The following FST variants were observed in gnomAD, a reference collection of about 807,000 sequenced individuals.
The protein encoded by FST is follistatin, also known as activin-binding protein.
A neutral mutation model predicts 38.4 loss-of-function variants in FST; 6 were observed. That is an observed-to-expected ratio of 0.16 (90% CI 0.09 to 0.31). The LOEUF (loss-of-function observed/expected upper bound fraction) is 0.31. FST is among the 10% of genes least tolerant of loss of function. The pLI is 1.00. For synonymous variants in FST, 157 were observed against 169.8 expected, an observed-to-expected ratio of 0.92 and a Z score of 0.59; for missense variants, 301 against 432.3, an observed-to-expected ratio of 0.70 and a Z score of 2.69.
chr5:53,482,776 C>T, intron 1 of FST, 104 bp from the exon 2 acceptor site: 1 of 646,438 alleles, frequency 1.5e-6, no homozygotes, highest in Non-Finnish European at 2.8e-6. Context: ...ACGCTCACCC[C>T]CTCCCCATCC....
At position 53,486,076 on chromosome 5, in the gene FST, A is replaced by C. The variant is rs1747534912; in HGVS notation, c.*43A>C. 2.3e-6 allele frequency: 1 copy of C among 440,134 alleles called. No homozygotes were observed. Among genetic ancestry groups the C allele is most frequent in the Non-Finnish European group, 4.0e-6 (1 of 252,970 alleles). 27.3% of individuals were successfully genotyped at this position (440,134 alleles called of 1,614,324 possible). On this transcript the variant is annotated 3_prime_UTR_variant, in exon 6 of 6. Coordinates refer to ENST00000256759, the MANE Select transcript of FST (RefSeq NM_013409.3). ...AGTGTTGACATAGCCTTTGTGCAAA[A>C]AAAAAAAAAAAAAAAAAGAAAAAGA...
At chr5:53,482,218 C>T (rs528670736) in intron 1 of FST, among the ~76,000 whole-genome samples, 11 of 151,750 alleles carry the variant, frequency 7.2e-5, no homozygotes, top group East Asian at 3.9e-4. Context: ...TGATCTGTTT[C>T]TCTCTCTCTC....
chr5:53,480,884 A>C lies in FST; in HGVS notation c.85+8A>C. On this transcript the variant is annotated splice_region_variant and intron_variant, in intron 1 of 5. Transcript: ENST00000256759. ...AGGACCGCAGTGCCCAGGGTAAGCG[A>C]GTGGGGATGCGCTGGGGAGGCTTGG... 6.7e-7 allele frequency: 1 copy of C among 1,489,198 alleles called. No homozygotes were observed. Among genetic ancestry groups the C allele is most frequent in the Non-Finnish European group, 9.1e-7 (1 of 1,099,910 alleles). The allele number at this position is 1,489,198 out of a possible 1,614,324, so 92.2% of individuals were successfully genotyped here. A position where few individuals can be genotyped will look rare whatever the true frequency, so the allele number is the denominator to read the frequency against.
Position 53,483,764 on chromosome 5 carries a change from C to T in FST, c.496+42C>T, listed in dbSNP as rs749610664. On this transcript the variant is annotated intron_variant, in intron 3 of 5. Coordinates refer to ENST00000256759, the MANE Select transcript of FST (RefSeq NM_013409.3). The surrounding 1 kb of genome is among the most constrained non-coding windows in gnomAD (Gnocchi z 4.1). ...TGAGCAAGACTGGATCTGTCCCCTC[C>T]TCCAGCTTTGTACCTAAAGTAGACC... 8 of 1,452,668 alleles carry T rather than the reference C, an allele frequency of 5.5e-6. No individual in the cohort carries two copies. Among genetic ancestry groups the T allele is most frequent in the African/African-American group, 1.4e-5 (1 of 71,932 alleles). 90.0% of individuals were successfully genotyped at this position (1,452,668 alleles called of 1,614,324 possible).
Position 53,482,876 on chromosome 5 carries a change from A to G in FST, c.86-4A>G. ...CCCACCTCCCCACCCTTGTCTCTTC[A>G]CAGCTGGGAACTGCTGGCTCCGTCA... On this transcript the variant is annotated splice_region_variant and splice_polypyrimidine_tract_variant and intron_variant, in intron 1 of 5. Coordinates refer to ENST00000256759, the MANE Select transcript of FST (RefSeq NM_013409.3). 6.3e-7 allele frequency: 1 copy of G among 1,580,410 alleles called. No individual in the cohort carries two copies. Among genetic ancestry groups the G allele is most frequent in the Non-Finnish European group, 8.6e-7 (1 of 1,160,688 alleles).
rs1255566006 is a variant in FST, at chr5:53,483,437, A to G, written c.278-67A>G. 2.3e-6 allele frequency: 3 copies of G among 1,283,878 alleles called. No individual in the cohort carries two copies. The highest frequency in any genetic ancestry group is 2.9e-5 in the African/African-American group (2 of 68,240). The allele number at this position is 1,283,878 out of a possible 1,614,324, so 79.5% of individuals were successfully genotyped here. On this transcript the variant is annotated intron_variant, in intron 2 of 5. Transcript: ENST00000256759. The surrounding 1 kb of genome is among the most constrained non-coding windows in gnomAD (Gnocchi z 4.1). ...CTGCATGATTGCGCAAGGCACCCGA[A>G]GCCCTCCTGGCTGACCTGCAGACTG... is the stretch of plus-strand genomic sequence containing the variant.
chr5:53,484,756 TGTA>T (rs1561298534), intron 4 of FST, among the ~76,000 whole-genome samples: 4 of 152,134 alleles, frequency 2.6e-5, no homozygotes, highest in African/African-American at 9.7e-5. Context: ...AATGCACTAA[TGTA>T]GTATGTAAGA....
chr5:53,483,714 G>C lies in FST; in HGVS notation c.488G>C (p.Arg163Thr). ...QPELEVQYQG[R>T]CKKTCRDVFC... ...GAACTGGAAGTCCAGTACCAAGGCA[G>C]ATGTAAAAGTAGGTCCTACCCTGTT... The change falls in exon 3 of 6, where the codon AGA (arginine) becomes ACA (threonine). Residue 163 changes from arginine to threonine, a missense_variant. Transcript: ENST00000256759. The surrounding 1 kb of genome is among the most constrained non-coding windows in gnomAD (Gnocchi z 4.1). The C allele has an allele frequency of 6.2e-7, 1 of 1,612,598 alleles. No homozygotes were observed. Among genetic ancestry groups the C allele is most frequent in the South Asian group, 1.1e-5 (1 of 91,052 alleles).
In FST at chr5:53,482,912, G is replaced by A; in HGVS notation, c.118G>A (p.Gly40Ser). The change falls in exon 2 of 6, where the codon GGC (glycine) becomes AGC (serine). Residue 40 changes from glycine (G) to serine (S), a missense_variant. Physicochemically the swap from Gly to Ser is moderately conservative, Grantham distance 56. Transcript: ENST00000256759. ...CTGCTGGCTCCGTCAAGCGAAGAAC[G>A]GCCGCTGCCAGGTCCTGTACAAGAC... ...GNCWLRQAKNGRCQVLYKTEL... is the reference protein window; with the variant it reads ...GNCWLRQAKNSRCQVLYKTEL... The A allele has an allele frequency of 6.2e-7, 1 of 1,610,056 alleles. No homozygotes were observed. Among genetic ancestry groups the A allele is most frequent in the Non-Finnish European group, 8.5e-7 (1 of 1,177,586 alleles).
At position 53,484,277 on chromosome 5, in the gene FST, T is replaced by C. The variant is rs1191611690; in HGVS notation, c.705T>C (p.Tyr235=). 2 of 1,612,066 alleles carry C rather than the reference T, an allele frequency of 1.2e-6. No individual in the cohort carries two copies. The highest frequency in any genetic ancestry group is 1.7e-6 in the Non-Finnish European group (2 of 1,178,110). ...TGGGCAGATCTATTGGATTAGCCTA[T>C]GAGGGAAAGTGTATCAGTAGGTATT... The part of the protein sequence containing the change: ...CLLGRSIGLA[Y]EGKCIKAKSC... The change falls in exon 4 of 6, where the codon TAT becomes TAC. Residue 235 remains tyrosine (Y), a synonymous_variant. Transcript: ENST00000256759.
At chr5:53,481,916 C>T (rs1341286385) in intron 1 of FST, among the ~76,000 whole-genome samples, 1 of 152,210 alleles carries the variant, frequency 6.6e-6, no homozygotes, top group African/African-American at 2.4e-5. Context: ...TCAGCGTTAA[C>T]ATTTTAAGTA....
Position 53,486,161 on chromosome 5 carries a change from A to G in FST, c.*128A>G, listed in dbSNP as rs1210304629. 3.7e-6 allele frequency: 2 copies of G among 547,738 alleles called. No individual in the cohort carries two copies. Among genetic ancestry groups the G allele is most frequent in the African/African-American group, 4.0e-5 (2 of 49,790 alleles). The allele number at this position is 547,738 out of a possible 1,614,324, so 33.9% of individuals were successfully genotyped here. Reference sequence around the variant, plus strand: ...AGTGTATGCTTATTTATTTGGGGGGAAAACTATACATTAAAGGACCTTTGT... The same window carrying G: ...AGTGTATGCTTATTTATTTGGGGGGGAAACTATACATTAAAGGACCTTTGT... On this transcript the variant is annotated 3_prime_UTR_variant, in exon 6 of 6. Transcript: ENST00000256759.
rs1027141480 is a variant in FST at position 53,483,857 on chromosome 5, A to T, written c.496+135A>T. The T allele has an allele frequency of 1.7e-5, 12 of 711,182 alleles. No individual in the cohort carries two copies. Among genetic ancestry groups the T allele is most frequent in the Non-Finnish European group, 2.6e-5 (11 of 421,100 alleles). The allele number at this position is 711,182 out of a possible 1,614,324, so 44.1% of individuals were successfully genotyped here. A position where few individuals can be genotyped will look rare whatever the true frequency, so the allele number is the denominator to read the frequency against. On this transcript the variant is annotated intron_variant, in intron 3 of 5. Transcript: ENST00000256759. The surrounding 1 kb of genome is among the most constrained non-coding windows in gnomAD (Gnocchi z 4.1). ...CCTGATAATAGTAATACTGAAACCA[A>T]ATAAAGGAGTCCTTTTCTAACCTCT...
Position 53,483,766 on chromosome 5 carries a change from C to G in FST, c.496+44C>G, listed in dbSNP as rs1341393938. ...AGCAAGACTGGATCTGTCCCCTCCT[C>G]CAGCTTTGTACCTAAAGTAGACCCT... On this transcript the variant is annotated intron_variant, in intron 3 of 5. Coordinates refer to ENST00000256759, the MANE Select transcript of FST (RefSeq NM_013409.3). The surrounding 1 kb of genome is among the most constrained non-coding windows in gnomAD (Gnocchi z 4.1). The G allele has an allele frequency of 7.0e-7, 1 of 1,428,322 alleles. No individual in the cohort carries two copies. The highest frequency in any genetic ancestry group is 9.9e-7 in the Non-Finnish European group (1 of 1,014,894). 88.5% of individuals were successfully genotyped at this position (1,428,322 alleles called of 1,614,324 possible).
In FST at chr5:53,486,275, G is replaced by A. The variant is rs1054098787; in HGVS notation, c.*242G>A. 1.5e-4 allele frequency: 51 copies of A among 340,090 alleles called. 1 individual carries two copies. In the South Asian group the frequency reaches 2.4e-3, roughly 16 times the overall value. The allele number at this position is 340,090 out of a possible 1,614,324, so 21.1% of individuals were successfully genotyped here. A position where few individuals can be genotyped will look rare whatever the true frequency, so the allele number is the denominator to read the frequency against. On this transcript the variant is annotated 3_prime_UTR_variant, in exon 6 of 6. Coordinates refer to ENST00000256759, the MANE Select transcript of FST (RefSeq NM_013409.3). ...TCTACTGGATGAGGCCCATAGTTGA[G>A]ACTTGTAGACATTTATTTATACTGT...
Position 53,480,800 on chromosome 5 carries a change from C to G in FST, c.9C>G (p.Arg3=). MV[R]ARHQPGGLCL... ...CCGCGCCTGCCCCCAGGATGGTCCGCGCGAGGCACCAGCCGGGTGGGCTTT... is the reference window on the plus strand; with the variant it reads ...CCGCGCCTGCCCCCAGGATGGTCCGGGCGAGGCACCAGCCGGGTGGGCTTT... Residue 3 remains arginine (R), a synonymous_variant, in exon 1 of 6, where the codon CGC becomes CGG. Coordinates refer to ENST00000256759, the MANE Select transcript of FST (RefSeq NM_013409.3). The G allele has an allele frequency of 6.6e-7, 1 of 1,505,918 alleles. No individual in the cohort carries two copies. The highest frequency in any genetic ancestry group is 8.9e-7 in the Non-Finnish European group (1 of 1,122,988). The allele number at this position is 1,505,918 out of a possible 1,614,324, so 93.3% of individuals were successfully genotyped here. A position where few individuals can be genotyped will look rare whatever the true frequency, so the allele number is the denominator to read the frequency against.
Position 53,483,753 on chromosome 5 carries a change from T to C in FST, c.496+31T>C. 6.7e-7 allele frequency: 1 copy of C among 1,503,438 alleles called. No individual in the cohort carries two copies. The allele number at this position is 1,503,438 out of a possible 1,614,324, so 93.1% of individuals were successfully genotyped here. On this transcript the variant is annotated intron_variant, in intron 3 of 5. Coordinates refer to ENST00000256759, the MANE Select transcript of FST (RefSeq NM_013409.3). This position sits in a 1 kb window ranked among gnomAD's most constrained non-coding sequence, Gnocchi z 4.1. ...TCCTACCCTGTTGAGCAAGACTGGA[T>C]CTGTCCCCTCCTCCAGCTTTGTACC...
chr5:53,482,701 A>C (rs1379592217), intron 1 of FST, 179 bp from the exon 2 acceptor site: 50 of 439,986 alleles, frequency 1.1e-4, no homozygotes, highest in South Asian at 2.7e-4. Context: ...TTCTTTTTCC[A>C]CCCCTCCACC....
intron 1 of FST, among the ~76,000 whole-genome samples, chr5:53,482,119 G>T (rs1344047332): frequency 1.3e-5 from 2 of 152,170 alleles, no homozygotes; most frequent in African/African-American, 4.8e-5. Context: ...CGGGCCCGTC[G>T]GGCTGGCTGC....
Sources: allele counts gnomAD v4.1 joint callset (sites outside exome capture counted in the v4.1 genomes callset), GRCh38; gene constraint gnomAD v4.1.1; non-coding constraint Gnocchi (gnomAD v3.1); transcripts MANE v1.5; gene names NCBI Gene and HGNC (gene_info 2026-07-23, HGNC 2026-07-21).